The following GNA14 variants were observed in gnomAD, a reference collection of about 807,000 sequenced individuals.
The protein encoded by GNA14 is guanine nucleotide-binding protein subunit alpha-14.
In GNA14, 50 loss-of-function variants were observed where a neutral mutation model predicts 42.0. The ratio of observed to expected loss-of-function variants is 1.19; its 90% confidence interval spans 0.95 to 1.51. GNA14 has a LOEUF of 1.51. Among genes scored for constraint, GNA14 ranks in the 40% most tolerant of loss-of-function variants. The pLI is 0.00. For synonymous variants in GNA14, 173 were observed against 163.1 expected (o/e 1.06, Z -0.46); for missense variants, 473 against 446.2 (o/e 1.06, Z -0.54).
intron 2 of GNA14, among the ~76,000 whole-genome samples, chr9:77,522,563 G>T (rs74845196): frequency 6.6e-6 from 1 of 152,154 alleles, no homozygotes; most frequent in Non-Finnish European, 1.5e-5. Context: ...GCTATGGAAA[G>T]GTTGACAGAA....
chr9:77,576,229 C>T (rs55830415), intron 1 of GNA14, among the ~76,000 whole-genome samples: 26,353 of 151,878 alleles, frequency 0.17, 5,587 homozygotes, highest in African/African-American at 0.51. Flanking sequence ...AAGAGAAAGA[C>T]GTTGAAAGAG....
intron 1 of GNA14, among the ~76,000 whole-genome samples, chr9:77,560,024 C>A (rs1298442747): frequency 1.3e-5 from 2 of 152,004 alleles, no homozygotes; most frequent in African/African-American, 4.8e-5. Context: ...AATTACCTAG[C>A]GAGCTTTAAA....
At chr9:77,636,977 G>C (rs1007315122) in intron 1 of GNA14, among the ~76,000 whole-genome samples, 1 of 152,284 alleles carries the variant, frequency 6.6e-6, no homozygotes, top group East Asian at 1.9e-4. Flanking sequence ...CTACCTAATG[G>C]TTATTAGCCA....
intron 1 of GNA14, among the ~76,000 whole-genome samples, chr9:77,565,419 A>AAT (rs34421091): frequency 6.9e-6 from 1 of 144,634 alleles, no homozygotes; most frequent in African/African-American, 2.8e-5. Context: ...GGTCAAATAA[A>AAT]ATATATTTAA....
chr9:77,488,992 A>G (rs1462840529), intron 2 of GNA14, among the ~76,000 whole-genome samples: 1 of 152,130 alleles, frequency 6.6e-6, no homozygotes, highest in Admixed American at 6.5e-5. Context: ...CAAGAATTCA[A>G]AATGGCAGTT....
chr9:77,590,462 C>T (rs1019339034), intron 1 of GNA14, among the ~76,000 whole-genome samples: 1 of 152,174 alleles, frequency 6.6e-6, no homozygotes, highest in African/African-American at 2.4e-5. Flanking sequence ...TATTCTTCCT[C>T]TTTGCTTATC....
At chr9:77,643,239 CATTTTTTTTTT>C (rs1824296645) in intron 1 of GNA14, among the ~76,000 whole-genome samples, 1 of 144,662 alleles carries the variant, frequency 6.9e-6, no homozygotes, top group Non-Finnish European at 1.5e-5. Flanking sequence ...AAGGTGTTGT[CATTTTTTTTTT>C]TTTTTTGAGA....
intron 2 of GNA14, among the ~76,000 whole-genome samples, chr9:77,445,911 T>G (rs1341508129): frequency 6.6e-6 from 1 of 152,314 alleles, no homozygotes; most frequent in East Asian, 1.9e-4. Context: ...CTTTAGCACA[T>G]AAAAATTGTT....
chr9:77,614,996 C>A (rs1823787958), intron 1 of GNA14, among the ~76,000 whole-genome samples: 1 of 152,110 alleles, frequency 6.6e-6, no homozygotes, highest in Non-Finnish European at 1.5e-5. Context: ...TTGGAAAGAC[C>A]AGGGGGTTTA....
intron 2 of GNA14, among the ~76,000 whole-genome samples, chr9:77,507,795 C>T (rs1172457439): frequency 6.6e-6 from 1 of 152,114 alleles, no homozygotes; most frequent in Non-Finnish European, 1.5e-5. Context: ...TCACTGCAAT[C>T]TCCACCTCCT....
chr9:77,528,982 G>T, intron 2 of GNA14, 87 bp downstream of exon 2: 2 of 1,153,322 alleles, frequency 1.7e-6, no homozygotes, highest in Non-Finnish European at 2.6e-6. Flanking sequence ...TCTGGCATCT[G>T]ACCAAAGCAC....
chr9:77,476,102 C>T (rs898572413), intron 2 of GNA14, among the ~76,000 whole-genome samples: 1 of 152,152 alleles, frequency 6.6e-6, no homozygotes. Flanking sequence ...CAAACAACAA[C>T]AATAACTTAG....
intron 4 of GNA14, 99 bp from the exon 5 acceptor site, chr9:77,429,135 C>A: frequency 2.6e-6 from 3 of 1,158,920 alleles, no homozygotes; most frequent in Non-Finnish European, 3.7e-6. Context: ...CTCTTGGAGT[C>A]CTCAGTAATT....
At chr9:77,614,630 CCA>C (rs2117953386) in intron 1 of GNA14, among the ~76,000 whole-genome samples, 1 of 152,292 alleles carries the variant, frequency 6.6e-6, no homozygotes, top group Admixed American at 6.5e-5. Context: ...CTAATATCTT[CCA>C]CACAGAGAGA....
intron 1 of GNA14, among the ~76,000 whole-genome samples, chr9:77,529,570 T>C (rs1200083642): frequency 2.0e-5 from 3 of 152,132 alleles, no homozygotes; most frequent in Non-Finnish European, 4.4e-5. Flanking sequence ...GTGGCAGTGA[T>C]AGGGCTGCGT....
intron 1 of GNA14, among the ~76,000 whole-genome samples, chr9:77,556,782 G>GT (rs1353432557): frequency 6.6e-6 from 1 of 152,114 alleles, no homozygotes; most frequent in African/African-American, 2.4e-5. Flanking sequence ...CTTAATCATG[G>GT]TAACCTAGCA....
chr9:77,528,629 C>T (rs1034904622), intron 2 of GNA14, among the ~76,000 whole-genome samples: 1 of 152,118 alleles, frequency 6.6e-6, no homozygotes, highest in Non-Finnish European at 1.5e-5. Context: ...CCAGAACAAA[C>T]AAACAAAACC....
chr9:77,548,090 A>AG (rs1837742212), intron 1 of GNA14, among the ~76,000 whole-genome samples: 1 of 152,200 alleles, frequency 6.6e-6, no homozygotes, highest in Non-Finnish European at 1.5e-5. Context: ...TCAGTTTCTT[A>AG]GGCTGCTGTA....
At chr9:77,462,732 T>TTG (rs1836129817) in intron 2 of GNA14, among the ~76,000 whole-genome samples, 1 of 100,198 alleles carries the variant, frequency 1.0e-5, no homozygotes, top group Non-Finnish European at 2.0e-5. Flanking sequence ...GGGCGGGGGG[T>TTG]GGGGGGGTGG....
Sources: allele counts gnomAD v4.1 joint callset (sites outside exome capture counted in the v4.1 genomes callset), GRCh38; gene constraint gnomAD v4.1.1; transcripts MANE v1.5; gene names NCBI Gene and HGNC (gene_info 2026-07-23, HGNC 2026-07-21).